CDH12: variants seen among roughly 807,000 people sequenced by gnomAD.
The protein encoded by CDH12 is cadherin-12.
CDH12 carries 41 observed loss-of-function variants against 74.1 expected under a neutral mutation model. That is an observed-to-expected ratio of 0.55 (90% CI 0.43 to 0.72). The LOEUF (loss-of-function observed/expected upper bound fraction) is 0.72, where lower values mean the gene tolerates loss of function less well. Ranked by LOEUF, CDH12 falls within the 30% of genes least tolerant of loss-of-function variation. CDH12 has a pLI of 0.00. For missense variants in CDH12, 945 were observed against 977.2 expected (o/e 0.97, Z 0.44); for synonymous variants, 399 against 355.0 (o/e 1.12, Z -1.39).
rs146011249 is a variant in CDH12, at chr5:22,650,128, G to C, written c.-522-144764C>G. ...AAAAAGGAAACAAATTATTGCTTGA[G>C]GATACATATGCCTATATAACAAAAT... On this transcript the variant is annotated intron_variant, in intron 1 of 14. Coordinates refer to ENST00000382254, the MANE Select transcript of CDH12 (RefSeq NM_004061.5). Among the ~76,000 whole-genome samples the C allele has an allele frequency of 1.5e-3, 233 of 152,056 alleles. 3 individuals are homozygous for C. The Middle Eastern group carries it at 0.027, about 18-fold the overall frequency.
At chr5:21,961,403 C>A (rs920409059) in intron 6 of CDH12, among the ~76,000 whole-genome samples, 1 of 152,066 alleles carries the variant, frequency 6.6e-6, no homozygotes, top group Non-Finnish European at 1.5e-5. Context: ...AAAATGCATT[C>A]ATTGTACAGA....
At chr5:21,862,404 A>G (rs1309833064) in intron 6 of CDH12, among the ~76,000 whole-genome samples, 2 of 152,146 alleles carry the variant, frequency 1.3e-5, no homozygotes, top group African/African-American at 4.8e-5. Context: ...GTGATGTTAA[A>G]ATCATTCTTA....
chr5:22,019,183 CAT>C (rs1328454445), intron 5 of CDH12, among the ~76,000 whole-genome samples: 2 of 152,100 alleles, frequency 1.3e-5, no homozygotes, highest in African/African-American at 4.8e-5. Flanking sequence ...CCTGGCCTGT[CAT>C]ATGTCTTGTT....
At chr5:22,698,676 G>GAT (rs1193077466) in intron 1 of CDH12, among the ~76,000 whole-genome samples, 4 of 30,998 alleles carry the variant, frequency 1.3e-4, no homozygotes, top group East Asian at 1.6e-3. Context: ...TCAATCCCCA[G>GAT]ATATATATAT....
At chr5:22,505,228 G>A (rs1450731468) in intron 2 of CDH12, 42 bp downstream of exon 2, 1 of 597,138 alleles carries the variant, frequency 1.7e-6, no homozygotes. Context: ...TATTAATTAA[G>A]AAGGTAAAAG....
At chr5:21,836,460 A>G (rs962902664) in intron 8 of CDH12, among the ~76,000 whole-genome samples, 2 of 96,554 alleles carry the variant, frequency 2.1e-5, no homozygotes, top group Non-Finnish European at 4.0e-5. Flanking sequence ...AATAGAAAGG[A>G]AAACACACAC....
chr5:22,211,729 A>T (rs918157478), intron 4 of CDH12, among the ~76,000 whole-genome samples: 1 of 151,820 alleles, frequency 6.6e-6, no homozygotes, highest in Non-Finnish European at 1.5e-5. Flanking sequence ...CTTCACTTCA[A>T]TTCATTATAT....
intron 4 of CDH12, among the ~76,000 whole-genome samples, chr5:22,146,263 T>C (rs762736641): frequency 6.6e-6 from 1 of 151,980 alleles, no homozygotes; most frequent in African/African-American, 2.4e-5. Flanking sequence ...CTAAAATACT[T>C]GATGGTAAGC....
intron 1 of CDH12, among the ~76,000 whole-genome samples, chr5:22,826,916 A>T (rs1235775771): frequency 6.6e-6 from 1 of 152,210 alleles, no homozygotes; most frequent in Non-Finnish European, 1.5e-5. Context: ...AGAAAATCCC[A>T]TTTTCTGAGG....
At chr5:22,095,310 T>C (rs954626228) in intron 4 of CDH12, among the ~76,000 whole-genome samples, 72 of 152,146 alleles carry the variant, frequency 4.7e-4, no homozygotes, top group African/African-American at 1.6e-3. Context: ...CTTCTCTTAA[T>C]TTCAATTCCT....
chr5:22,592,628 A>G (rs1736392499), intron 1 of CDH12, among the ~76,000 whole-genome samples: 1 of 152,056 alleles, frequency 6.6e-6, no homozygotes, highest in Admixed American at 6.6e-5. Context: ...AGGTTTAATG[A>G]AAAAGACAAT....
At position 21,940,841 on chromosome 5, in the gene CDH12, T is replaced by TTC. The variant is rs4028788; in HGVS notation, c.526+34248_526+34249dup. On this transcript the variant is annotated intron_variant, in intron 6 of 14. Transcript: ENST00000382254. ...TCTATCTCTGTTTCTTTCTCTCTGTTTCTCTCTCTCTCTCTCTCACACACA... is the reference window on the plus strand; with the variant it reads ...TCTATCTCTGTTTCTTTCTCTCTGTTTCTCTCTCTCTCTCTCTCTCACACACA... Among the ~76,000 whole-genome samples, 53 of 151,066 alleles carry TTC rather than the reference T, an allele frequency of 3.5e-4. No individual in the cohort carries two copies. In the South Asian group the frequency reaches 6.9e-3, roughly 20 times the overall value.
chr5:22,722,913 C>T (rs1743972513), intron 1 of CDH12, among the ~76,000 whole-genome samples: 1 of 152,140 alleles, frequency 6.6e-6, no homozygotes, highest in Non-Finnish European at 1.5e-5. Context: ...TGTTCCTATT[C>T]CTGTTGCATC....
chr5:22,484,713 A>G (rs2126630211), intron 2 of CDH12, among the ~76,000 whole-genome samples: 1 of 152,364 alleles, frequency 6.6e-6, no homozygotes, highest in Admixed American at 6.5e-5. Context: ...AGGAAATAGA[A>G]ACATTTGCCA....
chr5:22,501,617 A>G (rs73060184), intron 2 of CDH12, among the ~76,000 whole-genome samples: 2,717 of 152,224 alleles, frequency 0.018, 70 homozygotes, highest in African/African-American at 0.061. Flanking sequence ...GACAATTACC[A>G]AAATTAGAAA....
chr5:22,363,360 A>T (rs1208804371), intron 3 of CDH12, among the ~76,000 whole-genome samples: 2 of 152,156 alleles, frequency 1.3e-5, no homozygotes, highest in Non-Finnish European at 2.9e-5. Flanking sequence ...TTGATCTTTT[A>T]ATGGCAGTTA....
chr5:22,754,651 A>G (rs560238589), intron 1 of CDH12, among the ~76,000 whole-genome samples: 1 of 152,156 alleles, frequency 6.6e-6, no homozygotes, highest in South Asian at 2.1e-4. Context: ...GAAAGCAGAG[A>G]CATAACGGCA....
At chr5:22,660,647 G>C (rs1740299295) in intron 1 of CDH12, among the ~76,000 whole-genome samples, 1 of 152,014 alleles carries the variant, frequency 6.6e-6, no homozygotes, top group African/African-American at 2.4e-5. Flanking sequence ...TGAAGTTCTG[G>C]GCTCAAGTAA....
At position 22,747,282 on chromosome 5, in the gene CDH12, T is replaced by C. The variant is rs77113823; in HGVS notation, c.-523+105776A>G. 4.5e-3 allele frequency among the ~76,000 whole-genome samples: 687 copies of C among 152,082 alleles called. 2 individuals carry two copies. Among genetic ancestry groups the C allele is most frequent in the South Asian group, 7.1e-3 (34 of 4,822 alleles). On this transcript the variant is annotated intron_variant, in intron 1 of 14. Transcript: ENST00000382254. Reference sequence around the variant, plus strand: ...GATGGTAATATTCAAACAAAGAAAATGTCCAAATGAATTAATATTGTACTC... The same window carrying C: ...GATGGTAATATTCAAACAAAGAAAACGTCCAAATGAATTAATATTGTACTC...
Sources: gnomAD v4.1 joint callset for allele counts (sites outside exome capture counted in the v4.1 genomes callset) on GRCh38, gnomAD v4.1.1 for gene constraint, MANE v1.5 for transcripts, NCBI Gene and HGNC (gene_info 2026-07-23, HGNC 2026-07-21) for gene names.